Variants in PDE4B observed in about 807,000 individuals in gnomAD.
PDE4B encodes phosphodiesterase 4B.
Under a neutral mutation model 82.2 loss-of-function variants are expected in PDE4B, and 20 were observed. The ratio of observed to expected loss-of-function variants is 0.24; its 90% CI spans 0.17 to 0.35. The LOEUF (loss-of-function observed/expected upper bound fraction) is 0.35. PDE4B is among the 10% of genes least tolerant of loss of function. PDE4B has a pLI of 1.00. For synonymous variants in PDE4B, 320 were observed against 318.9 expected, an observed-to-expected ratio of 1.00 and a Z score of -0.04; for missense variants, 655 against 907.2, an observed-to-expected ratio of 0.72 and a Z score of 3.57.
At chr1:66,266,174 G>C (rs922545035) in intron 7 of PDE4B, 87 bp downstream of exon 7, 1 of 1,057,096 alleles carries the variant, frequency 9.5e-7, no homozygotes, top group Non-Finnish European at 1.5e-6. Context: ...TAGAACAATA[G>C]TGTTGTTTGC....
At chr1:66,292,394 A>T (rs575083244) in intron 7 of PDE4B, among the ~76,000 whole-genome samples, 1 of 152,304 alleles carries the variant, frequency 6.6e-6, no homozygotes, top group Admixed American at 6.5e-5. Flanking sequence ...ATAGCTACTG[A>T]GTGGCAAAGC....
chr1:65,884,140 A>C (rs1327488490), intron 1 of PDE4B, among the ~76,000 whole-genome samples: 4 of 152,244 alleles, frequency 2.6e-5, no homozygotes, highest in East Asian at 3.9e-4. Flanking sequence ...TGTCTCTGCC[A>C]GGCTTTGGTA....
intron 3 of PDE4B, among the ~76,000 whole-genome samples, chr1:66,133,564 CT>C (rs1458800862): frequency 6.6e-6 from 1 of 152,202 alleles, no homozygotes; most frequent in Non-Finnish European, 1.5e-5. Context: ...ATAGGACAAC[CT>C]TGTCTTGAGT....
chr1:65,853,531 T>C (rs903010374), intron 1 of PDE4B, among the ~76,000 whole-genome samples: 7 of 95,560 alleles, frequency 7.3e-5, no homozygotes, highest in East Asian at 4.4e-4. Flanking sequence ...ATTATAACCC[T>C]TTTTTTTTTT....
chr1:66,001,185 A>T (rs1178236943), intron 3 of PDE4B, among the ~76,000 whole-genome samples: 1 of 152,198 alleles, frequency 6.6e-6, no homozygotes, highest in Non-Finnish European at 1.5e-5. Flanking sequence ...GGATGAAAGC[A>T]ACTGTGGGTC....
rs571259826 is a variant in PDE4B, at chr1:66,188,722, G to A, written c.282-58738G>A. ...CTCCATGCCTTTATTTTGAGCCTAT[G>A]TGTGTCTCTGCACATGAGATGGGTT... On this transcript the variant is annotated intron_variant, in intron 3 of 16. Transcript: ENST00000341517. 1.6e-3 allele frequency among the ~76,000 whole-genome samples: 239 copies of A among 151,814 alleles called. 4 individuals carry two copies. In the East Asian group the frequency reaches 0.036, roughly 23 times the overall value.
At chr1:66,076,600 A>T (rs1480218603) in intron 3 of PDE4B, among the ~76,000 whole-genome samples, 1 of 152,154 alleles carries the variant, frequency 6.6e-6, no homozygotes, top group East Asian at 1.9e-4. Context: ...CTCCAAACGG[A>T]TCTACACAGT....
At chr1:66,095,298 T>G (rs1645093284) in intron 3 of PDE4B, among the ~76,000 whole-genome samples, 1 of 151,946 alleles carries the variant, frequency 6.6e-6, no homozygotes, top group South Asian at 2.1e-4. Context: ...TCTATAAAAT[T>G]TGGGTAGTCA....
chr1:66,210,379 C>T (rs571194824), intron 3 of PDE4B, among the ~76,000 whole-genome samples: 5 of 151,872 alleles, frequency 3.3e-5, no homozygotes, highest in African/African-American at 4.8e-5. Context: ...GGGCAGATCA[C>T]GAGGTCAAGA....
chr1:65,826,958 G>C (rs1030843103), intron 1 of PDE4B, among the ~76,000 whole-genome samples: 9 of 152,176 alleles, frequency 5.9e-5, no homozygotes. Context: ...TTTCTCTTTT[G>C]AGAGAGGTGC....
At chr1:65,816,256 T>C (rs912348814) in intron 1 of PDE4B, among the ~76,000 whole-genome samples, 2 of 143,918 alleles carry the variant, frequency 1.4e-5, no homozygotes, top group African/African-American at 5.2e-5. Flanking sequence ...AGAGATTTGG[T>C]TTTGGGGTGG....
At chr1:65,999,967 C>G (rs577539682) in intron 3 of PDE4B, among the ~76,000 whole-genome samples, 90 of 152,304 alleles carry the variant, frequency 5.9e-4, no homozygotes, top group Middle Eastern at 3.4e-3. Context: ...AGTAGAGCTA[C>G]TGCAGCTTGC....
At chr1:65,927,494 A>G (rs2100505395) in intron 3 of PDE4B, among the ~76,000 whole-genome samples, 1 of 147,622 alleles carries the variant, frequency 6.8e-6, no homozygotes, top group African/African-American at 2.5e-5. Context: ...TATAATATGT[A>G]TTATATATAT....
intron 1 of PDE4B, among the ~76,000 whole-genome samples, chr1:65,829,247 C>T (rs1052763283): frequency 1.3e-4 from 20 of 152,168 alleles, no homozygotes; most frequent in African/African-American, 4.6e-4. Context: ...AATAATGGAG[C>T]AAATTATCCA....
chr1:66,203,153 T>C (rs1313382653), intron 3 of PDE4B, among the ~76,000 whole-genome samples: 1 of 152,004 alleles, frequency 6.6e-6, no homozygotes, highest in African/African-American at 2.4e-5. Flanking sequence ...AATTCTTTTC[T>C]TTAAGAATGT....
intron 1 of PDE4B, among the ~76,000 whole-genome samples, chr1:65,877,075 A>C (rs1335068437): frequency 6.6e-6 from 1 of 152,214 alleles, no homozygotes; most frequent in Non-Finnish European, 1.5e-5. Context: ...TATGGAACCA[A>C]AAAAGAGCCT....
At chr1:65,903,388 A>G (rs1343050707) in intron 1 of PDE4B, among the ~76,000 whole-genome samples, 1 of 150,440 alleles carries the variant, frequency 6.6e-6, no homozygotes, top group Non-Finnish European at 1.5e-5. Flanking sequence ...ATATGGCGAA[A>G]CCCATCTCTA....
intron 1 of PDE4B, among the ~76,000 whole-genome samples, chr1:65,873,520 G>A (rs550796552): frequency 6.6e-6 from 1 of 152,244 alleles, no homozygotes; most frequent in South Asian, 2.1e-4. Context: ...GGACCAGTTG[G>A]TTTAAAGCTT....
At chr1:66,173,283 T>G (rs1646872724) in intron 3 of PDE4B, among the ~76,000 whole-genome samples, 1 of 152,178 alleles carries the variant, frequency 6.6e-6, no homozygotes, top group Admixed American at 6.5e-5. Flanking sequence ...TAGGGCTGGA[T>G]AAGCCCTCAA....
Sources: allele counts gnomAD v4.1 joint callset (sites outside exome capture counted in the v4.1 genomes callset), GRCh38; gene constraint gnomAD v4.1.1; transcripts MANE v1.5; gene names NCBI Gene and HGNC (gene_info 2026-07-23, HGNC 2026-07-21).